The following AGBL4 variants were observed in gnomAD, a reference collection of about 807,000 sequenced individuals.
The protein encoded by AGBL4 is cytosolic carboxypeptidase 6.
AGBL4 carries 58 observed loss-of-function variants against 66.4 expected under a neutral mutation model. The ratio of observed to expected loss-of-function variants is 0.87; its 90% confidence interval spans 0.71 to 1.09. The LOEUF (loss-of-function observed/expected upper bound fraction) is 1.09, where lower values mean the gene tolerates loss of function less well. AGBL4 is among the 50% of genes least tolerant of loss of function. AGBL4 has a pLI of 0.00. For missense variants in AGBL4, 579 were observed against 631.0 expected, an observed-to-expected ratio of 0.92 and a Z score of 0.88; for synonymous variants, 234 against 222.9, an observed-to-expected ratio of 1.05 and a Z score of -0.44.
chr1:48,685,666 C>A (rs1646520242), intron 6 of AGBL4, among the ~76,000 whole-genome samples: 1 of 152,154 alleles, frequency 6.6e-6, no homozygotes, highest in Admixed American at 6.5e-5. Flanking sequence ...ATGAGCATTA[C>A]AAGGAGATGG....
chr1:49,468,017 C>T (rs1646665480), intron 3 of AGBL4, among the ~76,000 whole-genome samples: 1 of 151,726 alleles, frequency 6.6e-6, no homozygotes, highest in Non-Finnish European at 1.5e-5. Flanking sequence ...TAAACAATTG[C>T]AAATTTTAAA....
At chr1:49,431,262 G>A (rs1645779432) in intron 3 of AGBL4, among the ~76,000 whole-genome samples, 2 of 152,042 alleles carry the variant, frequency 1.3e-5, no homozygotes, top group Non-Finnish European at 2.9e-5. Flanking sequence ...CATGAGATAT[G>A]TTAAGTTCAT....
chr1:48,634,610 C>A lies in AGBL4; in HGVS notation c.840-6G>T. 1.3e-6 allele frequency: 2 copies of A among 1,583,206 alleles called. No homozygotes were observed. The highest frequency in any genetic ancestry group is 1.3e-5 in the African/African-American group (1 of 74,498). On this transcript the variant is annotated splice_region_variant and splice_polypyrimidine_tract_variant and intron_variant, in intron 8 of 13. Transcript: ENST00000371839. ...CAAATCCCATCAGAGAACACCTAGG[C>A]AGTACCCAAAGTAAGAGTCAATATA...
intron 9 of AGBL4, among the ~76,000 whole-genome samples, chr1:48,610,536 T>A (rs1162546424): frequency 6.6e-6 from 1 of 152,206 alleles, no homozygotes; most frequent in Non-Finnish European, 1.5e-5. Flanking sequence ...TTGTATAAAT[T>A]CTGAAGATAA....
At chr1:49,663,570 A>C (rs1360503080) in intron 3 of AGBL4, among the ~76,000 whole-genome samples, 1 of 152,138 alleles carries the variant, frequency 6.6e-6, no homozygotes, top group Non-Finnish European at 1.5e-5. Context: ...ATGAGTGATT[A>C]ATAGAACTCT....
At chr1:49,566,205 A>AT (rs558262919) in intron 3 of AGBL4, among the ~76,000 whole-genome samples, 4 of 151,546 alleles carry the variant, frequency 2.6e-5, no homozygotes, top group South Asian at 2.1e-4. Context: ...CATTCGTCTA[A>AT]TTTTTTTTCA....
chr1:49,678,573 T>G (rs1646625808), intron 3 of AGBL4, among the ~76,000 whole-genome samples: 1 of 152,114 alleles, frequency 6.6e-6, no homozygotes, highest in Admixed American at 6.6e-5. Flanking sequence ...GACTTTCTTC[T>G]TTTCTAATGT....
At chr1:48,578,606 T>C (rs1644689536) in intron 11 of AGBL4, among the ~76,000 whole-genome samples, 2 of 152,314 alleles carry the variant, frequency 1.3e-5, no homozygotes, top group Admixed American at 1.3e-4. Context: ...GAAGGCTCTC[T>C]GGCAAGAACA....
chr1:48,738,229 T>A (rs1035736249), intron 6 of AGBL4, among the ~76,000 whole-genome samples: 2 of 152,202 alleles, frequency 1.3e-5, no homozygotes, highest in Non-Finnish European at 2.9e-5. Context: ...CACCCATGAA[T>A]GTAAGTCAAC....
At chr1:48,895,578 TAATC>T (rs896386954) in intron 5 of AGBL4, among the ~76,000 whole-genome samples, 1 of 152,260 alleles carries the variant, frequency 6.6e-6, no homozygotes, top group African/African-American at 2.4e-5. Context: ...TTAAAATTCA[TAATC>T]AATCAAGCGA....
intron 3 of AGBL4, among the ~76,000 whole-genome samples, chr1:49,413,092 C>T (rs1645351124): frequency 1.3e-5 from 2 of 152,118 alleles, no homozygotes; most frequent in Non-Finnish European, 2.9e-5. Context: ...AAAAGCAACT[C>T]TCAATAATTT....
chr1:49,273,316 T>C (rs551250121), intron 3 of AGBL4, among the ~76,000 whole-genome samples: 1 of 151,992 alleles, frequency 6.6e-6, no homozygotes, highest in South Asian at 2.1e-4. Flanking sequence ...ACATAATAAT[T>C]AAAACTACTA....
intron 1 of AGBL4, among the ~76,000 whole-genome samples, chr1:49,887,060 G>A (rs1210570123): frequency 6.6e-6 from 1 of 151,680 alleles, no homozygotes; most frequent in Non-Finnish European, 1.5e-5. Context: ...ATATGAATAA[G>A]ACTTAGGATA....
chr1:49,106,198 A>T (rs1375388888), intron 4 of AGBL4, among the ~76,000 whole-genome samples: 1 of 152,198 alleles, frequency 6.6e-6, no homozygotes, highest in Non-Finnish European at 1.5e-5. Flanking sequence ...CATAACGGGC[A>T]GTGAATGTTT....
At chr1:48,824,882 T>TG (rs1299139316) in intron 6 of AGBL4, among the ~76,000 whole-genome samples, 6 of 152,166 alleles carry the variant, frequency 3.9e-5, no homozygotes, top group Non-Finnish European at 8.8e-5. Flanking sequence ...CTGGCTGACC[T>TG]GGAATCTCAG....
At chr1:49,080,149 C>G (rs559343890) in intron 4 of AGBL4, among the ~76,000 whole-genome samples, 1 of 152,062 alleles carries the variant, frequency 6.6e-6, no homozygotes, top group Non-Finnish European at 1.5e-5. Context: ...GTGTGAAAAA[C>G]AACCAACAAA....
At chr1:49,548,524 T>G (rs1253226744) in intron 3 of AGBL4, among the ~76,000 whole-genome samples, 1 of 152,260 alleles carries the variant, frequency 6.6e-6, no homozygotes, top group Non-Finnish European at 1.5e-5. Context: ...TCTGCATCTA[T>G]TGAGATGAAC....
At chr1:48,663,012 T>A (rs2148456314) in intron 7 of AGBL4, 140 bp downstream of exon 7, 1 of 704,982 alleles carries the variant, frequency 1.4e-6, no homozygotes, top group South Asian at 2.0e-5. Context: ...CTAATGGAGA[T>A]CAGGTAAAAT....
chr1:48,555,803 GA>G (rs1224885060), intron 11 of AGBL4, among the ~76,000 whole-genome samples: 13 of 152,118 alleles, frequency 8.5e-5, no homozygotes, highest in African/African-American at 3.1e-4. Context: ...GAGTTGTGAG[GA>G]GGACAAAGAA....
Sources: allele counts gnomAD v4.1 joint callset (sites outside exome capture counted in the v4.1 genomes callset), GRCh38; gene constraint gnomAD v4.1.1; transcripts MANE v1.5; gene names NCBI Gene and HGNC (gene_info 2026-07-23, HGNC 2026-07-21).